SRSF11: variants seen among roughly 807,000 people sequenced by gnomAD.
The protein encoded by SRSF11 is serine/arginine-rich splicing factor 11.
A neutral mutation model predicts 56.0 loss-of-function variants in SRSF11; 9 were observed. The ratio of observed to expected loss-of-function variants is 0.16; its 90% confidence interval spans 0.10 to 0.28. The LOEUF (loss-of-function observed/expected upper bound fraction) is 0.28. Ranked by LOEUF, SRSF11 falls within the 10% of genes least tolerant of loss-of-function variation. The pLI is 1.00. For synonymous variants in SRSF11, 222 were observed against 215.3 expected, an observed-to-expected ratio of 1.03 and a Z score of -0.27; for missense variants, 421 against 600.7, an observed-to-expected ratio of 0.70 and a Z score of 3.13.
At chr1:70,248,045 G>T (rs1403337254) in intron 9 of SRSF11, among the ~76,000 whole-genome samples, 2 of 152,076 alleles carry the variant, frequency 1.3e-5, no homozygotes, top group East Asian at 3.9e-4. Flanking sequence ...TGTTGATTAG[G>T]ATGTGGAGAA....
chr1:70,247,443 G>GGACT (rs1432990254), intron 9 of SRSF11, among the ~76,000 whole-genome samples: 1 of 151,980 alleles, frequency 6.6e-6, no homozygotes, highest in Non-Finnish European at 1.5e-5. Flanking sequence ...AGTAAGGGCT[G>GGACT]GACTTCATTC....
rs1040360475 is a variant in SRSF11, at chr1:70,230,424, T to C, written c.338-1844T>C. On this transcript the variant is annotated intron_variant, in intron 2 of 11. Transcript: ENST00000370949. ...AGTCTACGGTAAGGAATAGTCTTAA[T>C]TGGTAAAACTAAGATAGCTGAATTT... The C allele has an allele frequency of 1.0e-5, 12 of 1,171,078 alleles. No homozygotes were observed. In the East Asian group the frequency reaches 1.9e-4, roughly 19 times the overall value. The allele number at this position is 1,171,078 out of a possible 1,614,324, so 72.5% of individuals were successfully genotyped here.
At position 70,237,570 on chromosome 1, in the gene SRSF11, A is replaced by G. The variant is rs149050962; in HGVS notation, c.718+18A>G. The G allele has an allele frequency of 6.2e-7, 1 of 1,606,416 alleles. No homozygotes were observed. The highest frequency in any genetic ancestry group is 8.5e-7 in the Non-Finnish European group (1 of 1,177,766). On this transcript the variant is annotated intron_variant, in intron 6 of 11. Coordinates refer to ENST00000370949, the MANE Select transcript of SRSF11 (RefSeq NM_001350605.2). ...AGAACCAGGTAAACAATGTTTATGC[A>G]ATTTTGTTGTGTGATTCTTAGCAAA...
chr1:70,246,651 T>A (rs1676837282), intron 8 of SRSF11, 167 bp from the exon 9 acceptor site: 4 of 465,070 alleles, frequency 8.6e-6, no homozygotes, highest in African/African-American at 2.0e-5. Flanking sequence ...TTATTGTACT[T>A]CAAATATGCC....
chr1:70,242,559 C>T (rs1675724158), intron 7 of SRSF11, among the ~76,000 whole-genome samples: 1 of 151,148 alleles, frequency 6.6e-6, no homozygotes. Flanking sequence ...CCACCTCGGC[C>T]TCCCAAAGTG....
chr1:70,228,081 T>G (rs1672205817), intron 1 of SRSF11, among the ~76,000 whole-genome samples: 1 of 152,190 alleles, frequency 6.6e-6, no homozygotes, highest in South Asian at 2.1e-4. Flanking sequence ...AGCCCCAAAC[T>G]ACTGTTACCT....
At chr1:70,233,294 G>T (rs903320587) in intron 3 of SRSF11, among the ~76,000 whole-genome samples, 1 of 151,978 alleles carries the variant, frequency 6.6e-6, no homozygotes, top group African/African-American at 2.4e-5. Flanking sequence ...ACCCAGGCCG[G>T]AGTGCAATAG....
intron 1 of SRSF11, 102 bp from the exon 2 acceptor site, chr1:70,228,319 GT>G (rs954930504): frequency 1.6e-5 from 13 of 819,994 alleles, no homozygotes; most frequent in African/African-American, 1.0e-4. Context: ...ATACAGTTAG[GT>G]TTTTTTAATC....
chr1:70,208,955 T>G (rs1571542009), intron 1 of SRSF11, among the ~76,000 whole-genome samples: 4 of 152,344 alleles, frequency 2.6e-5, no homozygotes, highest in Middle Eastern at 6.8e-3. Flanking sequence ...AATGAATGTC[T>G]CCTGTGTCAA....
chr1:70,220,626 G>T (rs1015386889), upstream of SRSF11, among the ~76,000 whole-genome samples: 4 of 152,280 alleles, frequency 2.6e-5, no homozygotes, highest in South Asian at 4.1e-4. Flanking sequence ...AAGGCGGGTG[G>T]ATCACCAGAG....
At chr1:70,229,539 T>TA (rs1672472034) in intron 2 of SRSF11, 1 of 985,102 alleles carries the variant, frequency 1.0e-6, no homozygotes, top group Non-Finnish European at 1.2e-6. Flanking sequence ...TTGGTAACTA[T>TA]AAATTTTACT....
Position 70,250,822 on chromosome 1 carries a change from A to T in SRSF11, c.*17A>T. 6.2e-7 allele frequency: 1 copy of T among 1,604,680 alleles called. No homozygotes were observed. Among genetic ancestry groups the T allele is most frequent in the Non-Finnish European group, 8.5e-7 (1 of 1,172,024 alleles). ...AGTGACTGAATATTGCCTCTGAGGG[A>T]GTCCAACTGTATACCTGCATCAGTG... On this transcript the variant is annotated 3_prime_UTR_variant, in exon 12 of 12. Coordinates refer to ENST00000370949, the MANE Select transcript of SRSF11 (RefSeq NM_001350605.2).
Position 70,235,567 on chromosome 1 carries a change from T to A in SRSF11, c.590+17T>A, listed in dbSNP as rs759613465. ...TGATCCCAAGTAAGCGTTTTTTCTTTGTTTTCATTGGTGATGTGGTATCTG... is the reference window on the plus strand; with the variant it reads ...TGATCCCAAGTAAGCGTTTTTTCTTAGTTTTCATTGGTGATGTGGTATCTG... On this transcript the variant is annotated intron_variant, in intron 5 of 11. Transcript: ENST00000370949. 6.2e-7 allele frequency: 1 copy of A among 1,608,642 alleles called. No homozygotes were observed. The highest frequency in any genetic ancestry group is 8.5e-7 in the Non-Finnish European group (1 of 1,178,618).
chr1:70,231,425 T>G, intron 2 of SRSF11: 1 of 1,060,268 alleles, frequency 9.4e-7, no homozygotes, highest in Non-Finnish European at 1.1e-6. Context: ...AATACACAGA[T>G]TAGGCTTTAA....
Position 70,227,032 on chromosome 1 carries a change from G to GT in SRSF11, c.204-1389dup, listed in dbSNP as rs1671936935. Reference sequence around the variant, plus strand: ...TTGCTTTGAACTTGGGTTAGGGTCTGTGTTTAGCCTGAGAGGTCCTTGTAG... The same window carrying GT: ...TTGCTTTGAACTTGGGTTAGGGTCTGTTGTTTAGCCTGAGAGGTCCTTGTAG... On this transcript the variant is annotated intron_variant, in intron 1 of 11. Coordinates refer to ENST00000370949, the MANE Select transcript of SRSF11 (RefSeq NM_001350605.2). 2.0e-5 allele frequency among the ~76,000 whole-genome samples: 3 copies of GT among 152,298 alleles called. No individual in the cohort carries two copies. The South Asian group carries it at 6.2e-4, about 32-fold the overall frequency.
rs1395312292 is a variant in SRSF11, at chr1:70,244,795, A to T, written c.912A>T (p.Ser304=). ...RSHSRERGRR[S]RSTSKTRDKK... Reference sequence around the variant, plus strand: ...ATTCCAGAGAAAGAGGTAGAAGGTCAAGGAGCACATCAAAAACAAGGTATA... The same window carrying T: ...ATTCCAGAGAAAGAGGTAGAAGGTCTAGGAGCACATCAAAAACAAGGTATA... The change falls in exon 8 of 12, where the codon TCA becomes TCT. Residue 304 remains serine (S), a synonymous_variant. Transcript: ENST00000370949. The T allele has an allele frequency of 1.2e-6, 2 of 1,614,164 alleles. No homozygotes were observed.
chr1:70,224,174 C>T (rs1282991724), intron 1 of SRSF11, among the ~76,000 whole-genome samples: 1 of 152,132 alleles, frequency 6.6e-6, no homozygotes, highest in East Asian at 1.9e-4. Context: ...CTCCCTGCAT[C>T]ATGTTATATA....
At chr1:70,246,537 G>A (rs1241340653) in intron 8 of SRSF11, among the ~76,000 whole-genome samples, 2 of 152,010 alleles carry the variant, frequency 1.3e-5, no homozygotes, top group Non-Finnish European at 2.9e-5. Flanking sequence ...ACTTATTGGT[G>A]TTTACCAAGT....
intron 3 of SRSF11, 137 bp downstream of exon 3, chr1:70,232,514 A>G: frequency 6.3e-6 from 4 of 637,460 alleles, no homozygotes; most frequent in Non-Finnish European, 1.1e-5. Context: ...CAAAATCACA[A>G]ATAGTATAGA....
Sources: gnomAD v4.1 joint callset for allele counts (sites outside exome capture counted in the v4.1 genomes callset) on GRCh38, gnomAD v4.1.1 for gene constraint, MANE v1.5 for transcripts, NCBI Gene and HGNC (gene_info 2026-07-23, HGNC 2026-07-21) for gene names.